PRKACB: variants seen among roughly 807,000 people sequenced by gnomAD.
PRKACB encodes cAMP-dependent protein kinase catalytic subunit beta.
In PRKACB, 16 loss-of-function variants were observed where a neutral mutation model predicts 51.4. The ratio of observed to expected loss-of-function variants is 0.31; its 90% CI spans 0.21 to 0.47. The LOEUF (loss-of-function observed/expected upper bound fraction) is 0.47. Among genes scored for constraint, PRKACB ranks in the 20% least tolerant of loss-of-function variants. The probability of loss-of-function intolerance (pLI) is 1.00; values close to 1 mark genes in which losing one functional copy is unlikely to be tolerated. For missense variants in PRKACB, 309 were observed against 464.5 expected (o/e 0.67, Z 3.08); for synonymous variants, 147 against 154.4 (o/e 0.95, Z 0.35).
At chr1:84,163,692 G>A (rs1656581381) in intron 1 of PRKACB, among the ~76,000 whole-genome samples, 1 of 151,996 alleles carries the variant, frequency 6.6e-6, no homozygotes, top group Non-Finnish European at 1.5e-5. Flanking sequence ...TGTTGTTTAT[G>A]ACTGCTCGAT....
chr1:84,131,417 CA>C (rs899635046), intron 1 of PRKACB, among the ~76,000 whole-genome samples: 5 of 149,364 alleles, frequency 3.3e-5, no homozygotes, highest in Non-Finnish European at 7.4e-5. Flanking sequence ...AGAACAACAT[CA>C]AAAAAAGGGA....
intron 2 of PRKACB, among the ~76,000 whole-genome samples, chr1:84,180,797 A>C (rs1397605303): frequency 6.6e-6 from 1 of 152,040 alleles, no homozygotes; most frequent in Non-Finnish European, 1.5e-5. Context: ...GTGTAACATG[A>C]AACAATAAGA....
intron 5 of PRKACB, among the ~76,000 whole-genome samples, chr1:84,195,352 G>A (rs1458324751): frequency 2.0e-5 from 3 of 152,102 alleles, no homozygotes; most frequent in Non-Finnish European, 4.4e-5. Flanking sequence ...AGCAAAAAAA[G>A]GCAGCACATA....
At chr1:84,224,628 G>C (rs1674274933) in intron 9 of PRKACB, among the ~76,000 whole-genome samples, 1 of 152,142 alleles carries the variant, frequency 6.6e-6, no homozygotes, top group South Asian at 2.1e-4. Context: ...GCAGTGCCAG[G>C]CAGTGCAGGC....
chr1:84,203,989 A>G (rs1390633992), intron 8 of PRKACB, among the ~76,000 whole-genome samples: 2 of 152,090 alleles, frequency 1.3e-5, no homozygotes, highest in South Asian at 2.1e-4. Context: ...TTCACAAGGT[A>G]CCCTGAATGT....
chr1:84,147,181 T>C (rs575002681), intron 1 of PRKACB, among the ~76,000 whole-genome samples: 1 of 152,062 alleles, frequency 6.6e-6, no homozygotes, highest in Non-Finnish European at 1.5e-5. Flanking sequence ...TTCCTATGAA[T>C]TGACAGGCTA....
chr1:84,096,474 T>A (rs866898577), intron 1 of PRKACB, among the ~76,000 whole-genome samples: 45 of 152,100 alleles, frequency 3.0e-4, no homozygotes, highest in African/African-American at 1.0e-3. Flanking sequence ...GTCAGCCAAG[T>A]GTAATGTTGA....
intron 1 of PRKACB, among the ~76,000 whole-genome samples, chr1:84,116,794 T>G (rs1488483354): frequency 6.6e-6 from 1 of 152,176 alleles, no homozygotes; most frequent in Non-Finnish European, 1.5e-5. Flanking sequence ...TTCTCCAATT[T>G]CGATGCCTTT....
chr1:84,138,394 T>A (rs1653039623), intron 1 of PRKACB, among the ~76,000 whole-genome samples: 1 of 152,188 alleles, frequency 6.6e-6, no homozygotes, highest in African/African-American at 2.4e-5. Flanking sequence ...TAGAAACAAC[T>A]TTATTACACA....
upstream of PRKACB, among the ~76,000 whole-genome samples, chr1:84,142,698 A>C (rs143793654): frequency 4.6e-4 from 70 of 152,332 alleles, 5 homozygotes; most frequent in Middle Eastern, 0.01. Flanking sequence ...ATATTTATAC[A>C]TAAAGCTATA....
At chr1:84,164,861 G>A in intron 1 of PRKACB, 2 of 1,378,946 alleles carry the variant, frequency 1.5e-6, no homozygotes, top group Non-Finnish European at 1.9e-6. Context: ...TAAAACAAAA[G>A]AAAGCTCTTT....
chr1:84,193,169 C>G (rs1667285917), intron 5 of PRKACB, among the ~76,000 whole-genome samples: 1 of 151,996 alleles, frequency 6.6e-6, no homozygotes, highest in Admixed American at 6.6e-5. Context: ...GAGAAAGACC[C>G]CTTCCCAGCC....
At chr1:84,206,633 A>G (rs1398949885) in intron 8 of PRKACB, among the ~76,000 whole-genome samples, 1 of 152,196 alleles carries the variant, frequency 6.6e-6, no homozygotes, top group African/African-American at 2.4e-5. Flanking sequence ...CTCAATGCCC[A>G]AAGTTTTCAT....
At chr1:84,185,058 A>C in intron 4 of PRKACB, 42 bp from the exon 5 acceptor site, 2 of 1,188,744 alleles carry the variant, frequency 1.7e-6, no homozygotes, top group Non-Finnish European at 2.4e-6. Context: ...AATAATTTTG[A>C]CCTAAGTTGA....
At chr1:84,224,517 G>A (rs571187249) in intron 9 of PRKACB, among the ~76,000 whole-genome samples, 1 of 152,348 alleles carries the variant, frequency 6.6e-6, no homozygotes, top group East Asian at 1.9e-4. Context: ...AGCGCCAGCA[G>A]TGGTAGTGGT....
intron 9 of PRKACB, among the ~76,000 whole-genome samples, chr1:84,214,651 T>C (rs1261176853): frequency 6.6e-6 from 1 of 151,754 alleles, no homozygotes; most frequent in African/African-American, 2.4e-5. Flanking sequence ...TGCCATCACA[T>C]CTGGATGATT....
intron 8 of PRKACB, among the ~76,000 whole-genome samples, chr1:84,203,359 A>G (rs1229020261): frequency 4.6e-5 from 7 of 152,072 alleles, no homozygotes; most frequent in Non-Finnish European, 1.0e-4. Context: ...TTTTTCTTCA[A>G]CATGAGTAGA....
intron 9 of PRKACB, among the ~76,000 whole-genome samples, chr1:84,221,598 A>T (rs1673739683): frequency 6.6e-6 from 1 of 151,508 alleles, no homozygotes; most frequent in African/African-American, 2.4e-5. Context: ...TGCTTTTCTT[A>T]TATTCCATAG....
chr1:84,173,514 A>C (rs1218448058), intron 1 of PRKACB, among the ~76,000 whole-genome samples: 1 of 151,644 alleles, frequency 6.6e-6, no homozygotes, highest in African/African-American at 2.4e-5. Context: ...GGAGGGGGAG[A>C]GTATTTTTAG....
Sources: allele counts gnomAD v4.1 joint callset (sites outside exome capture counted in the v4.1 genomes callset), GRCh38; gene constraint gnomAD v4.1.1; transcripts MANE v1.5; gene names NCBI Gene and HGNC (gene_info 2026-07-23, HGNC 2026-07-21).